The following SDHAF3 variants were observed in gnomAD, a reference collection of about 807,000 sequenced individuals.
SDHAF3 encodes the protein succinate dehydrogenase complex assembly factor 3.
SDHAF3 carries 18 observed loss-of-function variants against 11.5 expected under a neutral mutation model. That is an observed-to-expected ratio of 1.56 (90% CI 1.08 to 2.32). SDHAF3 has a LOEUF of 2.32. Ranked by LOEUF, SDHAF3 falls within the 30% of genes most tolerant of loss-of-function variation. The pLI is 0.00. For missense variants in SDHAF3, 200 were observed against 154.4 expected (o/e 1.30, Z -1.57); for synonymous variants, 72 against 59.3 (o/e 1.21, Z -0.99).
chr7:97,126,568 C>T (rs971118418), intron 1 of SDHAF3, among the ~76,000 whole-genome samples: 4 of 152,138 alleles, frequency 2.6e-5, no homozygotes, highest in Non-Finnish European at 4.4e-5. Flanking sequence ...TGCTGCGTTA[C>T]GTTGAGTTCC....
At chr7:97,162,098 G>T (rs1211661277) in intron 1 of SDHAF3, among the ~76,000 whole-genome samples, 2 of 152,154 alleles carry the variant, frequency 1.3e-5, no homozygotes, top group African/African-American at 2.4e-5. Context: ...AGCATCTGTT[G>T]TTTCCTGACT....
chr7:97,130,818 C>T (rs1221539581), intron 1 of SDHAF3, among the ~76,000 whole-genome samples: 2 of 152,224 alleles, frequency 1.3e-5, no homozygotes, highest in Non-Finnish European at 2.9e-5. Flanking sequence ...GGGATAGTCT[C>T]CACCTGTGTC....
Position 97,174,833 on chromosome 7 carries a change from TC to T in SDHAF3, c.175-6178del, listed in dbSNP as rs1034999206. 4.7e-4 allele frequency among the ~76,000 whole-genome samples: 72 copies of T among 152,364 alleles called. 1 individual carries two copies. Among genetic ancestry groups the T allele is most frequent in the African/African-American group, 1.7e-3 (71 of 41,588 alleles). On this transcript the variant is annotated intron_variant, in intron 1 of 1. Coordinates refer to ENST00000432641, the MANE Select transcript of SDHAF3 (RefSeq NM_020186.3). ...TCATTGAGGTGGTATCTTTCAGCTT[TC>T]TTCACTGTAAAGTTGCTATTTTTCC...
At chr7:97,122,181 A>C (rs1791511927) in intron 1 of SDHAF3, among the ~76,000 whole-genome samples, 1 of 151,966 alleles carries the variant, frequency 6.6e-6, no homozygotes, top group East Asian at 1.9e-4. Flanking sequence ...TTTTCCAGGA[A>C]CTGCAGTGTT....
At chr7:97,149,813 CATTA>C (rs1789190685) in intron 1 of SDHAF3, among the ~76,000 whole-genome samples, 1 of 152,148 alleles carries the variant, frequency 6.6e-6, no homozygotes, top group Non-Finnish European at 1.5e-5. Flanking sequence ...AAGTGTGCTG[CATTA>C]ATTGACACTT....
chr7:97,161,340 A>G lies in SDHAF3; in HGVS notation c.175-19672A>G, dbSNP rs542362583. 2.8e-4 allele frequency among the ~76,000 whole-genome samples: 43 copies of G among 152,272 alleles called. 1 individual carries two copies. Among genetic ancestry groups the G allele is most frequent in the African/African-American group, 9.1e-4 (38 of 41,560 alleles). ...CCCCATCATAAGTCAGCAAGCATCT[A>G]TATAGTCTATGGGACTCGACTTCAC... On this transcript the variant is annotated intron_variant, in intron 1 of 1. Transcript: ENST00000432641.
intron 1 of SDHAF3, among the ~76,000 whole-genome samples, chr7:97,163,951 C>CT (rs57540189): frequency 0.035 from 4,858 of 137,496 alleles, 154 homozygotes; most frequent in African/African-American, 0.093. Flanking sequence ...GTTGAAAATT[C>CT]TTTTTTTTTT....
intron 1 of SDHAF3, among the ~76,000 whole-genome samples, chr7:97,165,015 C>T (rs1441682360): frequency 6.6e-6 from 1 of 152,122 alleles, no homozygotes; most frequent in Non-Finnish European, 1.5e-5. Context: ...ATAACTCACT[C>T]TTTAAAAGAT....
Position 97,165,763 on chromosome 7 carries a change from C to T in SDHAF3, c.175-15249C>T, listed in dbSNP as rs899570034. Among the ~76,000 whole-genome samples, 3 of 152,196 alleles carry T rather than the reference C, an allele frequency of 2.0e-5. No individual in the cohort carries two copies. The East Asian group carries it at 5.8e-4, about 29-fold the overall frequency. On this transcript the variant is annotated intron_variant, in intron 1 of 1. Coordinates refer to ENST00000432641, the MANE Select transcript of SDHAF3 (RefSeq NM_020186.3). ...TAAGTTGGCAGTTTGCCTTGTAAAACAGAATTTGTCAGGTGAATTGTGAAT... is the reference window on the plus strand; with the variant it reads ...TAAGTTGGCAGTTTGCCTTGTAAAATAGAATTTGTCAGGTGAATTGTGAAT...
At chr7:97,122,259 A>C (rs148058831) in intron 1 of SDHAF3, among the ~76,000 whole-genome samples, 2 of 152,240 alleles carry the variant, frequency 1.3e-5, no homozygotes, top group Admixed American at 6.5e-5. Context: ...GGCAGGAGAC[A>C]GGATATTCTG....
At chr7:97,167,114 AC>A (rs1201189011) in intron 1 of SDHAF3, among the ~76,000 whole-genome samples, 2 of 151,072 alleles carry the variant, frequency 1.3e-5, no homozygotes, top group East Asian at 3.9e-4. Flanking sequence ...ACGTGTAACC[AC>A]CTGATATGGT....
At chr7:97,140,749 T>C (rs1039438332) in intron 1 of SDHAF3, among the ~76,000 whole-genome samples, 7 of 132,974 alleles carry the variant, frequency 5.3e-5, no homozygotes, top group Non-Finnish European at 1.1e-4. Flanking sequence ...CTGAGGAGGA[T>C]GTATGTCGCC....
chr7:97,160,901 A>C (rs1306560104), intron 1 of SDHAF3, among the ~76,000 whole-genome samples: 2 of 152,088 alleles, frequency 1.3e-5, no homozygotes, highest in Admixed American at 6.5e-5. Context: ...AACAAACATT[A>C]ATTTCTACTT....
At chr7:97,126,757 G>C (rs111773830) in intron 1 of SDHAF3, among the ~76,000 whole-genome samples, 2 of 151,076 alleles carry the variant, frequency 1.3e-5, no homozygotes, top group Non-Finnish European at 2.9e-5. Context: ...CCTGCTGAGC[G>C]AGACCACTTG....
In SDHAF3 at chr7:97,181,351, T is replaced by G. The variant is rs1789771849; in HGVS notation, c.*136T>G. On this transcript the variant is annotated 3_prime_UTR_variant, in exon 2 of 2. Transcript: ENST00000432641. ...ACTCTTTTATTTTGGATATTATGAT[T>G]GCAGTATATGGATCAAGATCACTAG... 2 of 641,930 alleles carry G rather than the reference T, an allele frequency of 3.1e-6. No individual in the cohort carries two copies. Among genetic ancestry groups the G allele is most frequent in the Non-Finnish European group, 5.3e-6 (2 of 379,850 alleles). The allele number at this position is 641,930 out of a possible 1,614,324, so 39.8% of individuals were successfully genotyped here. A position where few individuals can be genotyped will look rare whatever the true frequency, so the allele number is the denominator to read the frequency against.
intron 1 of SDHAF3, among the ~76,000 whole-genome samples, chr7:97,167,342 A>C (rs780588535): frequency 2.0e-5 from 3 of 152,118 alleles, no homozygotes; most frequent in Non-Finnish European, 2.9e-5. Context: ...TTCTGCTATG[A>C]TTGTACATTT....
chr7:97,144,700 G>A (rs1789108584), intron 1 of SDHAF3, among the ~76,000 whole-genome samples: 2 of 152,168 alleles, frequency 1.3e-5, no homozygotes, highest in Admixed American at 6.5e-5. Context: ...GTATCATGCT[G>A]TTTTGGTGAC....
At chr7:97,130,101 G>A (rs988597285) in intron 1 of SDHAF3, among the ~76,000 whole-genome samples, 14 of 151,900 alleles carry the variant, frequency 9.2e-5, no homozygotes, top group African/African-American at 2.7e-4. Flanking sequence ...GTGAAATCTC[G>A]TCTCTATTAA....
intron 1 of SDHAF3, among the ~76,000 whole-genome samples, chr7:97,126,804 C>T (rs1446152515): frequency 5.6e-5 from 8 of 143,870 alleles, no homozygotes; most frequent in Non-Finnish European, 1.2e-4. Context: ...GGCAAGTGAA[C>T]GGTTCTGTCT....
Sources: allele counts gnomAD v4.1 joint callset (sites outside exome capture counted in the v4.1 genomes callset), GRCh38; gene constraint gnomAD v4.1.1; transcripts MANE v1.5; gene names NCBI Gene and HGNC (gene_info 2026-07-23, HGNC 2026-07-21).